UGT2B4: variants seen among roughly 807,000 people sequenced by gnomAD.
UGT2B4 encodes UDP-glucuronosyltransferase 2B4.
UGT2B4 carries 49 observed loss-of-function variants against 49.8 expected under a neutral mutation model. The observed-to-expected ratio is 0.98, with a 90% CI of 0.78 to 1.25. The LOEUF is 1.25. UGT2B4 is among the 50% of genes most tolerant of loss of function. The pLI is 0.00. For missense variants in UGT2B4, 729 were observed against 627.7 expected, an observed-to-expected ratio of 1.16 and a Z score of -1.73; for synonymous variants, 246 against 217.7, an observed-to-expected ratio of 1.13 and a Z score of -1.14.
upstream of UGT2B4, among the ~76,000 whole-genome samples, chr4:69,500,610 A>AAAGC (rs1265749209): frequency 0.12 from 8,908 of 76,596 alleles, 455 homozygotes; most frequent in East Asian, 0.3. Context: ...AGCAAGGAAG[A>AAAGC]AAGAAAGAAA....
chr4:69,502,091 C>CTTTCTTTCTTTCTTT, intron 1 of UGT2B4, among the ~76,000 whole-genome samples: 1 of 108,524 alleles, frequency 9.2e-6, no homozygotes, highest in Admixed American at 9.9e-5. Flanking sequence ...TTCTTTCTCT[C>CTTTCTTTCTTTCTTT]TCTTTCTTTC....
intron 2 of UGT2B4, among the ~76,000 whole-genome samples, chr4:69,490,089 C>T (rs1267720002): frequency 6.6e-6 from 1 of 151,966 alleles, no homozygotes; most frequent in African/African-American, 2.4e-5. Context: ...TTCTATAATC[C>T]TTTACACTTC....
intron 1 of UGT2B4, among the ~76,000 whole-genome samples, chr4:69,512,668 A>T (rs1285804382): frequency 6.6e-6 from 1 of 152,026 alleles, no homozygotes; most frequent in Non-Finnish European, 1.5e-5. Context: ...TTATACTCCA[A>T]CCAACAGTGT....
intron 3 of UGT2B4, among the ~76,000 whole-genome samples, chr4:69,487,476 G>A (rs1020926751): frequency 3.3e-5 from 5 of 152,052 alleles, no homozygotes; most frequent in South Asian, 2.1e-4. Flanking sequence ...ATTATCCCTA[G>A]CAAACAAACA....
intron 1 of UGT2B4, among the ~76,000 whole-genome samples, chr4:69,524,193 A>G (rs1182945597): frequency 6.6e-6 from 1 of 152,066 alleles, no homozygotes. Context: ...TTGTTTCTGT[A>G]TTCACAACTA....
chr4:69,488,596 G>C (rs573219779), intron 3 of UGT2B4, among the ~76,000 whole-genome samples: 4 of 151,930 alleles, frequency 2.6e-5, no homozygotes, highest in African/African-American at 9.7e-5. Context: ...CTATGGAGGG[G>C]GCATCTGAAC....
chr4:69,512,943 T>C (rs1325258658), intron 1 of UGT2B4, among the ~76,000 whole-genome samples: 1 of 152,172 alleles, frequency 6.6e-6, no homozygotes. Flanking sequence ...TGTTTTTCTC[T>C]TGTAAATTTG....
chr4:69,524,339 G>A (rs1191052738), intron 1 of UGT2B4, among the ~76,000 whole-genome samples: 1 of 152,000 alleles, frequency 6.6e-6, no homozygotes, highest in Non-Finnish European at 1.5e-5. Context: ...AACACTTAGA[G>A]AGCTTTGTAA....
chr4:69,508,056 A>G (rs920404288), intron 1 of UGT2B4, among the ~76,000 whole-genome samples: 11 of 152,250 alleles, frequency 7.2e-5, no homozygotes, highest in Admixed American at 3.9e-4. Flanking sequence ...ACACTTTTCA[A>G]AAGAAGATAT....
rs1728145025 is a variant in UGT2B4, at chr4:69,495,796, A to C, written c.66T>G (p.Ser22Arg). The change falls in exon 1 of 6, where the codon AGT becomes AGG. Residue 22 changes from serine to arginine, a missense_variant. By Grantham distance (110) the Ser-to-Arg change is moderately radical. Transcript: ENST00000305107. ...IQLSCYFSSGSCGKVLVWPTE... is the reference protein window; with the variant it reads ...IQLSCYFSSGRCGKVLVWPTE... The stretch of plus-strand genomic sequence containing the variant: ...TGGGCCACACCAGCACCTTTCCACA[A>C]CTCCCAGAGCTAAAGTAACAGCTCA... The C allele has an allele frequency of 1.9e-6, 3 of 1,613,212 alleles. No individual in the cohort carries two copies. The highest frequency in any genetic ancestry group is 2.7e-5 in the African/African-American group (2 of 74,808).
intron 1 of UGT2B4, among the ~76,000 whole-genome samples, chr4:69,517,405 T>A (rs191750459): frequency 2.6e-5 from 4 of 152,258 alleles, no homozygotes; most frequent in Admixed American, 1.3e-4. Flanking sequence ...CAATCAGTAG[T>A]TTTCAATGAT....
intron 1 of UGT2B4, among the ~76,000 whole-genome samples, chr4:69,494,375 A>G (rs1728082049): frequency 6.6e-6 from 1 of 152,190 alleles, no homozygotes; most frequent in Non-Finnish European, 1.5e-5. Flanking sequence ...TCATAATAAT[A>G]TTAGTTTTTA....
chr4:69,500,610 A>C (rs139256238), upstream of UGT2B4, among the ~76,000 whole-genome samples: 4,369 of 76,552 alleles, frequency 0.057, 163 homozygotes, highest in South Asian at 0.13. Context: ...AGCAAGGAAG[A>C]AAGAAAGAAA....
At chr4:69,490,869 G>A (rs1270423176) in intron 2 of UGT2B4, among the ~76,000 whole-genome samples, 1 of 152,084 alleles carries the variant, frequency 6.6e-6, no homozygotes, top group Non-Finnish European at 1.5e-5. Context: ...TCAGTGGCTT[G>A]ATGTCCAGAG....
At chr4:69,491,313 G>A (rs1727979121) in intron 2 of UGT2B4, among the ~76,000 whole-genome samples, 10 of 151,590 alleles carry the variant, frequency 6.6e-5, no homozygotes. Flanking sequence ...TCTAGTATAT[G>A]TTTTTAATTA....
At chr4:69,516,719 GTTTC>G (rs1560443312) in intron 1 of UGT2B4, among the ~76,000 whole-genome samples, 2 of 151,918 alleles carry the variant, frequency 1.3e-5, no homozygotes, top group Admixed American at 1.3e-4. Context: ...GGATTCTCAT[GTTTC>G]AGTCTCTCGG....
At chr4:69,495,985 A>G, upstream of UGT2B4, 1 of 1,424,984 alleles carries the variant, frequency 7.0e-7, no homozygotes, top group Non-Finnish European at 9.4e-7. Flanking sequence ...TAAATACATT[A>G]TATTAACAGT....
At chr4:69,512,166 C>CT (rs1214574090) in intron 1 of UGT2B4, among the ~76,000 whole-genome samples, 4 of 150,356 alleles carry the variant, frequency 2.7e-5, no homozygotes, top group Admixed American at 6.6e-5. Flanking sequence ...TATATTATTT[C>CT]TTTTTTTTCT....
intron 5 of UGT2B4, among the ~76,000 whole-genome samples, chr4:69,484,127 T>A (rs1727695593): frequency 1.3e-5 from 2 of 151,558 alleles, no homozygotes; most frequent in South Asian, 4.2e-4. Flanking sequence ...CCACCAAGAA[T>A]GGTATAACAA....
Sources: allele counts gnomAD v4.1 joint callset (sites outside exome capture counted in the v4.1 genomes callset), GRCh38; gene constraint gnomAD v4.1.1; transcripts MANE v1.5; gene names NCBI Gene and HGNC (gene_info 2026-07-23, HGNC 2026-07-21).